The following DLX3 variants were observed in gnomAD, a reference collection of about 807,000 sequenced individuals.
DLX3 encodes homeobox protein DLX-3.
Under a neutral mutation model 28.0 loss-of-function variants are expected in DLX3, and 9 were observed. The ratio of observed to expected loss-of-function variants is 0.32; its 90% CI spans 0.19 to 0.56. DLX3 has a LOEUF of 0.56. Ranked by LOEUF, DLX3 falls within the 20% of genes least tolerant of loss-of-function variation. The pLI, the probability that DLX3 is intolerant of heterozygous loss-of-function variation, is 0.91. For synonymous variants in DLX3, 154 were observed against 167.9 expected, an observed-to-expected ratio of 0.92 and a Z score of 0.64; for missense variants, 313 against 378.2, an observed-to-expected ratio of 0.83 and a Z score of 1.43.
intron 1 of DLX3, among the ~76,000 whole-genome samples, chr17:49,994,263 A>T (rs1906203058): frequency 1.4e-5 from 2 of 140,690 alleles, no homozygotes; most frequent in Admixed American, 7.0e-5. Context: ...CCCCCTCACG[A>T]CTCCTAGTCT....
intron 1 of DLX3, among the ~76,000 whole-genome samples, chr17:49,993,936 C>A (rs1366468412): frequency 6.6e-6 from 1 of 152,132 alleles, no homozygotes; most frequent in Non-Finnish European, 1.5e-5. Context: ...CTAGCCGCCC[C>A]CTTCCCAGTC....
rs537909143 is a variant in DLX3 at position 49,993,884 on chromosome 17, C to T, written c.326-294G>A. Among the ~76,000 whole-genome samples the T allele has an allele frequency of 4.1e-3, 622 of 152,256 alleles. 3 individuals are homozygous for T. The highest frequency in any genetic ancestry group is 6.2e-3 in the Non-Finnish European group (419 of 67,996). On this transcript the variant is annotated intron_variant, in intron 1 of 2. Coordinates refer to ENST00000434704, the MANE Select transcript of DLX3 (RefSeq NM_005220.3). ...CCTCGGCTTCGCTCACGACGCCTTC[C>T]CGGCTCGCCTCCCAGCCTCGGGGCT... is the stretch of plus-strand genomic sequence containing the variant.
Position 49,991,393 on chromosome 17 carries a change from G to T in DLX3, c.*124C>A, listed in dbSNP as rs886053133. 2.9e-5 allele frequency: 26 copies of T among 881,960 alleles called. No homozygotes were observed. Among genetic ancestry groups the T allele is most frequent in the Non-Finnish European group, 4.1e-5 (24 of 590,686 alleles). 54.6% of individuals were successfully genotyped at this position (881,960 alleles called of 1,614,324 possible). A position where few individuals can be genotyped will look rare whatever the true frequency, so the allele number is the denominator to read the frequency against. Reference sequence around the variant, plus strand: ...AGCGCTTGGGTCCCTGGAGGAAGGGGCAAGGGAGGGGGAAAGGGAGTTCCT... The same window carrying T: ...AGCGCTTGGGTCCCTGGAGGAAGGGTCAAGGGAGGGGGAAAGGGAGTTCCT... On this transcript the variant is annotated 3_prime_UTR_variant, in exon 3 of 3. Transcript: ENST00000434704.
Position 49,991,530 on chromosome 17 carries a change from C to T in DLX3, c.851G>A (p.Gly284Glu), listed in dbSNP as rs1158032945. 3 of 1,604,972 alleles carry T rather than the reference C, an allele frequency of 1.9e-6. No individual in the cohort carries two copies. The highest frequency in any genetic ancestry group is 2.2e-5 in the South Asian group (2 of 90,368). The change falls in exon 3 of 3, where the codon GGG becomes GAG. Residue 284 changes from glycine (G) to glutamate (E), a missense_variant. Gly to Glu is a moderately conservative substitution (Grantham distance 98). This residue lies in a region of DLX3 where 120 missense variants were observed against 145.4 expected (regional missense o/e 0.83). Transcript: ENST00000434704. The part of the protein sequence containing the change: ...HASPGPPPNP[G>E]AVY ...CCAGATGGGTGCTCAGTACACAGCC[C>T]CAGGGTTGGGCGGGGGCCCGGGAGA... is the stretch of plus-strand genomic sequence containing the variant.
At chr17:49,994,632 T>A (rs1348907278) in intron 1 of DLX3, 42 bp downstream of exon 1, 1 of 1,609,888 alleles carries the variant, frequency 6.2e-7, no homozygotes, top group South Asian at 1.1e-5. Context: ...CTCGGGAACC[T>A]TCCAGTGTCT....
intron 1 of DLX3, chr17:49,993,809 GGCCGCCGCAGCACTGTCCCCGGCGCCA>G (rs1344186619): frequency 6.4e-6 from 2 of 314,392 alleles, no homozygotes; most frequent in Non-Finnish European, 1.1e-5. Flanking sequence ...CTCCGCGCCC[GGCCGCCGCAGCACTGTCCCCGGCGCCA>G]GCCGCCGCCT....
At chr17:49,993,371 C>T (rs1415059012) in intron 2 of DLX3, 29 bp downstream of exon 2, 1 of 1,570,844 alleles carries the variant, frequency 6.4e-7, no homozygotes, top group Non-Finnish European at 8.6e-7. Context: ...CCCGCGCGCC[C>T]CCGCGGCCCT....
intron 1 of DLX3, among the ~76,000 whole-genome samples, chr17:49,993,878 G>C (rs1906190484): frequency 6.6e-6 from 1 of 152,098 alleles, no homozygotes; most frequent in African/African-American, 2.4e-5. Context: ...CGCTCACGAC[G>C]CCTTCCCGGC....
Position 49,991,505 on chromosome 17 carries a change from C to T in DLX3, c.*12G>A. 1 of 1,591,992 alleles carries T rather than the reference C, an allele frequency of 6.3e-7. No homozygotes were observed. Among genetic ancestry groups the T allele is most frequent in the East Asian group, 2.2e-5 (1 of 44,460 alleles). On this transcript the variant is annotated 3_prime_UTR_variant, in exon 3 of 3. Transcript: ENST00000434704. Reference sequence around the variant, plus strand: ...TGGGGTCCTTTGTCAAGGGTGCAGGCCAGATGGGTGCTCAGTACACAGCCC... The same window carrying T: ...TGGGGTCCTTTGTCAAGGGTGCAGGTCAGATGGGTGCTCAGTACACAGCCC...
chr17:49,990,348 CT>C lies in DLX3; in HGVS notation c.*1168del, dbSNP rs61087392. 0.083 allele frequency: 11,561 copies of C among 139,470 alleles called. 489 individuals are homozygous for C. Among genetic ancestry groups the C allele is most frequent in the African/African-American group, 0.099 (3,764 of 37,932 alleles). The allele number at this position is 139,470 out of a possible 1,614,324, so 8.6% of individuals were successfully genotyped here. ...ATATAGCTACAGTCTTCTACCTCTCCTTTTTTTTTTTTTTCAATGTTTTACT... is the reference window on the plus strand; with the variant it reads ...ATATAGCTACAGTCTTCTACCTCTCCTTTTTTTTTTTTTCAATGTTTTACT... On this transcript the variant is annotated 3_prime_UTR_variant, in exon 3 of 3. Coordinates refer to ENST00000434704, the MANE Select transcript of DLX3 (RefSeq NM_005220.3).
Position 49,994,764 on chromosome 17 carries a change from C to CTT in DLX3, c.234_235insAA (p.Ala79LysfsTer34). 1.2e-6 allele frequency: 2 copies of CTT among 1,614,178 alleles called. No individual in the cohort carries two copies. The highest frequency in any genetic ancestry group is 1.7e-6 in the Non-Finnish European group (2 of 1,180,032). On this transcript the variant is annotated frameshift_variant, in exon 1 of 3. Coordinates refer to ENST00000434704, the MANE Select transcript of DLX3 (RefSeq NM_005220.3). LOFTEE classifies it high-confidence loss of function. ...GTATATTCCGACTTGGGCGAGTAAG[C>CTT]GCCCGTGCCTGCAAGCCCATTGAGA...
chr17:49,992,321 G>A (rs888947984), intron 2 of DLX3, among the ~76,000 whole-genome samples: 3 of 152,106 alleles, frequency 2.0e-5, no homozygotes, highest in African/African-American at 4.8e-5. Flanking sequence ...ATAAGCAGAG[G>A]TGCACAGATA....
chr17:49,990,219 T>G lies in DLX3; in HGVS notation c.*1298A>C, dbSNP rs1906037916. 6.6e-6 allele frequency: 1 copy of G among 151,320 alleles called. No homozygotes were observed. The highest frequency in any genetic ancestry group is 1.5e-5 in the Non-Finnish European group (1 of 67,928). 9.4% of individuals were successfully genotyped at this position (151,320 alleles called of 1,614,324 possible). A position where few individuals can be genotyped will look rare whatever the true frequency, so the allele number is the denominator to read the frequency against. On this transcript the variant is annotated 3_prime_UTR_variant, in exon 3 of 3. Transcript: ENST00000434704. ...TCTCAGCTTGAAACACACAGGGAGA[T>G]CCGTCCAGGAGGAACATGGCCACAT...
Position 49,991,587 on chromosome 17 carries a change from T to G in DLX3, c.794A>C (p.Gln265Pro). 6.2e-7 allele frequency: 1 copy of G among 1,613,126 alleles called. No individual in the cohort carries two copies. Among genetic ancestry groups the G allele is most frequent in the Middle Eastern group, 1.7e-4 (1 of 6,060 alleles). ...QNLSGPHLQQ[Q>P]PPQPATLHHA... Reference sequence around the variant, plus strand: ...GTGCAGGGTGGCTGGCTGAGGCGGCTGCTGCTGTAAGTGGGGTCCACTCAG... The same window carrying G: ...GTGCAGGGTGGCTGGCTGAGGCGGCGGCTGCTGTAAGTGGGGTCCACTCAG... Residue 265 changes from glutamine (Q) to proline (P), a missense_variant, in exon 3 of 3, where the codon CAG becomes CCG. Physicochemically the swap from Gln to Pro is moderately conservative, Grantham distance 76. This residue lies in a region of DLX3 where 120 missense variants were observed against 145.4 expected (regional missense o/e 0.83). Coordinates refer to ENST00000434704, the MANE Select transcript of DLX3 (RefSeq NM_005220.3).
intron 2 of DLX3, among the ~76,000 whole-genome samples, 172 bp from the exon 3 acceptor site, chr17:49,992,036 G>A (rs1350882250): frequency 6.6e-6 from 1 of 152,146 alleles, no homozygotes; most frequent in East Asian, 1.9e-4. Flanking sequence ...ATTGTGGCTA[G>A]GAACGTTCAG....
rs1339352773 is a variant in DLX3 at position 49,995,176 on chromosome 17, G to A, written c.-178C>T. ...GCGCTTACACCATTGCCTGCCGTCA[G>A]GCGGTCGCTGCGCGCCTCTCCTCGC... On this transcript the variant is annotated 5_prime_UTR_variant, in exon 1 of 3. Transcript: ENST00000434704. 3.1e-5 allele frequency: 24 copies of A among 765,706 alleles called. No homozygotes were observed. Among genetic ancestry groups the A allele is most frequent in the Non-Finnish European group, 4.9e-5 (23 of 468,534 alleles). The allele number at this position is 765,706 out of a possible 1,614,324, so 47.4% of individuals were successfully genotyped here.
intron 2 of DLX3, among the ~76,000 whole-genome samples, chr17:49,992,855 CTT>C (rs1906140261): frequency 6.6e-6 from 1 of 152,168 alleles, no homozygotes; most frequent in Non-Finnish European, 1.5e-5. Flanking sequence ...TTTGGCCTCT[CTT>C]GAGCGTTCAA....
Position 49,995,128 on chromosome 17 carries a change from T to TG in DLX3, c.-131dup. 2 of 1,209,004 alleles carry TG rather than the reference T, an allele frequency of 1.7e-6. No individual in the cohort carries two copies. The highest frequency in any genetic ancestry group is 1.3e-5 in the South Asian group (1 of 76,804). 74.9% of individuals were successfully genotyped at this position (1,209,004 alleles called of 1,614,324 possible). A position where few individuals can be genotyped will look rare whatever the true frequency, so the allele number is the denominator to read the frequency against. On this transcript the variant is annotated 5_prime_UTR_variant, in exon 1 of 3. Coordinates refer to ENST00000434704, the MANE Select transcript of DLX3 (RefSeq NM_005220.3). ...GGCGAAGGGAGGACCCGGCCGCGTC[T>TG]GGGGGGAGGGGGAGGCCGAGAGGCG...
chr17:49,991,549 C>T lies in DLX3; in HGVS notation c.832G>A (p.Gly278Arg), dbSNP rs151180891. ...QPATLHHASP[G>R]PPPNPGAVY Reference sequence around the variant, plus strand: ...ACAGCCCCAGGGTTGGGCGGGGGCCCGGGAGAGGCATGGTGCAGGGTGGCT... The same window carrying T: ...ACAGCCCCAGGGTTGGGCGGGGGCCTGGGAGAGGCATGGTGCAGGGTGGCT... The change falls in exon 3 of 3, where the codon GGG (glycine) becomes AGG (arginine). Residue 278 changes from glycine to arginine, a missense_variant. Around this residue, in one of 3 missense-constraint regions of DLX3, gnomAD observed 120 missense variants for 145.4 expected, o/e 0.83. Transcript: ENST00000434704. 8.7e-4 allele frequency: 1,399 copies of T among 1,609,444 alleles called. 1 individual carries two copies. Among genetic ancestry groups the T allele is most frequent in the Middle Eastern group, 1.8e-3 (11 of 6,056 alleles).
Sources: allele counts gnomAD v4.1 joint callset (sites outside exome capture counted in the v4.1 genomes callset), GRCh38; gene constraint gnomAD v4.1.1; regional missense constraint gnomAD v4.1.1; transcripts MANE v1.5; gene names NCBI Gene and HGNC (gene_info 2026-07-23, HGNC 2026-07-21).